The following SPATA31E1 variants were observed in gnomAD, a reference collection of about 807,000 sequenced individuals.
The protein encoded by SPATA31E1 is SPATA31 subfamily E member 1, also known as spermatogenesis-associated protein 31E1.
In SPATA31E1, 7 loss-of-function variants were observed where a neutral mutation model predicts 12.9. That is an observed-to-expected ratio of 0.54 (90% CI 0.31 to 1.02). The LOEUF is 1.02. SPATA31E1 is among the 50% of genes least tolerant of loss of function. SPATA31E1 has a pLI of 0.05. For synonymous variants in SPATA31E1, 771 were observed against 719.0 expected (o/e 1.07, Z -1.16); for missense variants, 1,961 against 1,799.8 (o/e 1.09, Z -1.62).
rs746483479 is a variant in SPATA31E1 at position 87,888,844 on chromosome 9, C to A, written c.*19C>A. Reference sequence around the variant, plus strand: ...CTCCTGAACTAGACCAGTCTTCTTGCATGTCTCCTGGGGGAGACAGGGGGT... The same window carrying A: ...CTCCTGAACTAGACCAGTCTTCTTGAATGTCTCCTGGGGGAGACAGGGGGT... On this transcript the variant is annotated 3_prime_UTR_variant, in exon 4 of 4. Transcript: ENST00000325643. The A allele has an allele frequency of 2.2e-4, 349 of 1,572,090 alleles. No homozygotes were observed. The highest frequency in any genetic ancestry group is 2.8e-4 in the Non-Finnish European group (329 of 1,161,214).
chr9:87,888,170 G>C lies in SPATA31E1; in HGVS notation c.3683G>C (p.Ser1228Thr). Residue 1228 changes from serine (S) to threonine (T), a missense_variant, in exon 4 of 4, where the codon AGT becomes ACT. By Grantham distance (58) the Ser-to-Thr change is moderately conservative. Transcript: ENST00000325643. The stretch of plus-strand genomic sequence containing the variant: ...AAGGGACCCAGGACCTCTGAAGCCA[G>C]TGGGAGGAGCCACCCTGCCCAAGCC... ...RSKGPRTSEA[S>T]GRSHPAQARE... The C allele has an allele frequency of 4.3e-6, 7 of 1,613,140 alleles. No individual in the cohort carries two copies. The highest frequency in any genetic ancestry group is 5.1e-6 in the Non-Finnish European group (6 of 1,179,760).
intron 2 of SPATA31E1, among the ~76,000 whole-genome samples, chr9:87,884,382 G>C (rs960855707): frequency 1.7e-4 from 26 of 152,230 alleles, no homozygotes; most frequent in Non-Finnish European, 3.1e-4. Context: ...ACCGATGAGG[G>C]GGTGGACGTG....
In SPATA31E1 at chr9:87,887,838, G is replaced by A. The variant is rs756799699; in HGVS notation, c.3351G>A (p.Pro1117=). The A allele has an allele frequency of 1.2e-5, 19 of 1,613,730 alleles. No individual in the cohort carries two copies. The highest frequency in any genetic ancestry group is 6.7e-5 in the East Asian group (3 of 44,886). The change falls in exon 4 of 4, where the codon CCG becomes CCA. Residue 1117 remains proline, a synonymous_variant. Transcript: ENST00000325643. ...DSEEQLPGRA[P]GILLQDGATG... is the part of the protein sequence containing the mutation. ...AGGAGCAGCTGCCAGGCCGTGCCCC[G>A]GGCATCCTCCTCCAGGACGGCGCCA... is the stretch of plus-strand genomic sequence containing the variant.
rs749169940 is a variant in SPATA31E1, at chr9:87,887,393, G to C, written c.2906G>C (p.Arg969Thr). The C allele has an allele frequency of 3.1e-6, 5 of 1,613,826 alleles. No homozygotes were observed. In the Admixed American group the frequency reaches 8.3e-5, roughly 27 times the overall value. ...CCCCCAACATGCAGCCTTGTGGGCA[G>C]AACCTGGCAGAGCAGGACTGTCCTG... ...SQPPTCSLVGRTWQSRTVLES... is the reference protein window; with the variant it reads ...SQPPTCSLVGTTWQSRTVLES... The change falls in exon 4 of 4, where the codon AGA becomes ACA. Residue 969 changes from arginine (R) to threonine (T), a missense_variant. Transcript: ENST00000325643.
Position 87,882,994 on chromosome 9 carries a change from G to A in SPATA31E1, c.103G>A (p.Gly35Arg), listed in dbSNP as rs560646190. 7.4e-6 allele frequency: 12 copies of A among 1,613,320 alleles called. No homozygotes were observed. The South Asian group carries it at 1.1e-4, about 15-fold the overall frequency. ...TCCCAGACCATCTGTGGAGTGCACA[G>A]GAGACGACATTGCACTTCAGATGGA... ...PAPRPSVECTGDDIALQMEKM... is the reference protein window; with the variant it reads ...PAPRPSVECTRDDIALQMEKM... The change falls in exon 1 of 4, where the codon GGA becomes AGA. Residue 35 changes from glycine (G) to arginine (R), a missense_variant. Transcript: ENST00000325643.
intron 2 of SPATA31E1, 60 bp downstream of exon 2, chr9:87,884,106 G>C: frequency 1.9e-6 from 3 of 1,551,704 alleles, no homozygotes; most frequent in Non-Finnish European, 2.6e-6. Context: ...CTGTCCCTGA[G>C]GAAGTCATTT....
chr9:87,885,355 A>G lies in SPATA31E1; in HGVS notation c.868A>G (p.Thr290Ala), dbSNP rs754203435. The change falls in exon 4 of 4, where the codon ACC (threonine) becomes GCC (alanine). Residue 290 changes from threonine to alanine, a missense_variant. Transcript: ENST00000325643. ...ACACAACCAGGTGCTGCCTCCTCCA[A>G]CCAGGGTGATCTCTGGCCTGGGGTG... ...PLHNQVLPPP[T>A]RVISGLGCSS... 208 of 1,613,648 alleles carry G rather than the reference A, an allele frequency of 1.3e-4. No homozygotes were observed. The highest frequency in any genetic ancestry group is 1.6e-4 in the Non-Finnish European group (190 of 1,179,886).
rs760733880 is a variant in SPATA31E1 at position 87,885,703 on chromosome 9, T to C, written c.1216T>C (p.Phe406Leu). 6.2e-7 allele frequency: 1 copy of C among 1,613,596 alleles called. No homozygotes were observed. Among genetic ancestry groups the C allele is most frequent in the South Asian group, 1.1e-5 (1 of 91,060 alleles). The change falls in exon 4 of 4, where the codon TTC becomes CTC. Residue 406 changes from phenylalanine (F) to leucine (L), a missense_variant. Coordinates refer to ENST00000325643, the MANE Select transcript of SPATA31E1 (RefSeq NM_178828.5). ...KEWDITTLNP[F>L]WNVSTQPQQL... Reference sequence around the variant, plus strand: ...GTGGGACATCACGACCCTAAATCCCTTCTGGAACGTGTCAACCCAGCCACA... The same window carrying C: ...GTGGGACATCACGACCCTAAATCCCCTCTGGAACGTGTCAACCCAGCCACA...
Position 87,888,074 on chromosome 9 carries a change from A to G in SPATA31E1, c.3587A>G (p.Lys1196Arg), listed in dbSNP as rs767253844. Residue 1196 changes from lysine (K) to arginine (R), a missense_variant, in exon 4 of 4, where the codon AAG becomes AGG. Physicochemically the swap from Lys to Arg is conservative, Grantham distance 26 (BLOSUM62 2). Transcript: ENST00000325643. ...GCAAAGGCCCCACAGAAGAGTCAGAAGACGCTGGGCTGTGCGGACAAGGGC... is the reference window on the plus strand; with the variant it reads ...GCAAAGGCCCCACAGAAGAGTCAGAGGACGCTGGGCTGTGCGGACAAGGGC... The part of the protein sequence containing the change: ...PKAKAPQKSQ[K>R]TLGCADKGEA... 4.1e-5 allele frequency: 66 copies of G among 1,602,962 alleles called. No homozygotes were observed. The highest frequency in any genetic ancestry group is 5.4e-5 in the Non-Finnish European group (64 of 1,174,804).
chr9:87,887,134 T>A lies in SPATA31E1; in HGVS notation c.2647T>A (p.Ser883Thr). 1 of 1,614,050 alleles carries A rather than the reference T, an allele frequency of 6.2e-7. No homozygotes were observed. Among genetic ancestry groups the A allele is most frequent in the Non-Finnish European group, 8.5e-7 (1 of 1,180,018 alleles). The change falls in exon 4 of 4, where the codon TCT becomes ACT. Residue 883 changes from serine to threonine, a missense_variant. Coordinates refer to ENST00000325643, the MANE Select transcript of SPATA31E1 (RefSeq NM_178828.5). The part of the protein sequence containing the change: ...STFTPWASWV[S>T]RVESVPKVPI... Reference sequence around the variant, plus strand: ...CTTTACCCCCTGGGCCTCCTGGGTATCTCGGGTTGAATCTGTACCCAAGGT... The same window carrying A: ...CTTTACCCCCTGGGCCTCCTGGGTAACTCGGGTTGAATCTGTACCCAAGGT...
rs752095729 is a variant in SPATA31E1 at position 87,887,441 on chromosome 9, G to A, written c.2954G>A (p.Arg985Lys). 1.2e-6 allele frequency: 2 copies of A among 1,613,878 alleles called. No individual in the cohort carries two copies. Among genetic ancestry groups the A allele is most frequent in the South Asian group, 2.2e-5 (2 of 91,084 alleles). Residue 985 changes from arginine (R) to lysine (K), a missense_variant, in exon 4 of 4, where the codon AGA becomes AAA. Arg to Lys is a conservative substitution (Grantham distance 26, BLOSUM62 2). Coordinates refer to ENST00000325643, the MANE Select transcript of SPATA31E1 (RefSeq NM_178828.5). ...CTGGAATCCGGGAAACCCAAACCCA[G>A]ACTAGAGGGGAGTATGGGTTCAGAA... ...TVLESGKPKP[R>K]LEGSMGSEMA...
Position 87,885,854 on chromosome 9 carries a change from G to C in SPATA31E1, c.1367G>C (p.Trp456Ser), listed in dbSNP as rs768269951. ...LNSESLATTV[W>S]VSRNPSSQNA... ...AGCGAGTCCCTGGCGACCACAGTCT[G>C]GGTTTCTAGGAACCCTTCCTCACAG... Residue 456 changes from tryptophan (W) to serine (S), a missense_variant, in exon 4 of 4, where the codon TGG becomes TCG. Trp to Ser is a radical substitution (Grantham distance 177). Transcript: ENST00000325643. 1.5e-4 allele frequency: 241 copies of C among 1,613,762 alleles called. No individual in the cohort carries two copies. Among genetic ancestry groups the C allele is most frequent in the Non-Finnish European group, 1.9e-4 (220 of 1,180,010 alleles).
Position 87,886,638 on chromosome 9 carries a change from C to T in SPATA31E1, c.2151C>T (p.Ser717=), listed in dbSNP as rs1322826817. ...CLGSKLGPDP[S]RDQGSGRTSV... Reference sequence around the variant, plus strand: ...GGTCCAAACTAGGGCCGGACCCAAGCCGGGATCAAGGCTCAGGAAGGACCT... The same window carrying T: ...GGTCCAAACTAGGGCCGGACCCAAGTCGGGATCAAGGCTCAGGAAGGACCT... The change falls in exon 4 of 4, where the codon AGC becomes AGT. Residue 717 remains serine, a synonymous_variant. Coordinates refer to ENST00000325643, the MANE Select transcript of SPATA31E1 (RefSeq NM_178828.5). 1 of 1,613,916 alleles carries T rather than the reference C, an allele frequency of 6.2e-7. No homozygotes were observed. The highest frequency in any genetic ancestry group is 1.7e-5 in the Admixed American group (1 of 60,010).
rs1380611446 is a variant in SPATA31E1 at position 87,886,700 on chromosome 9, G to C, written c.2213G>C (p.Gly738Ala). The change falls in exon 4 of 4, where the codon GGT becomes GCT. Residue 738 changes from glycine to alanine, a missense_variant. Transcript: ENST00000325643. Reference protein sequence around the residue: ...KALDEDKEAEGDLRRSWKYQS... With the variant: ...KALDEDKEAEADLRRSWKYQS... ...CTGGACGAAGACAAGGAGGCAGAAG[G>C]TGACTTACGGAGGTCCTGGAAGTAC... 10 of 1,613,956 alleles carry C rather than the reference G, an allele frequency of 6.2e-6. No individual in the cohort carries two copies. The East Asian group carries it at 2.2e-4, about 36-fold the overall frequency.
chr9:87,888,006 G>A lies in SPATA31E1; in HGVS notation c.3519G>A (p.Lys1173=), dbSNP rs1159126411. The change falls in exon 4 of 4, where the codon AAG becomes AAA. Residue 1173 remains lysine, a synonymous_variant. Coordinates refer to ENST00000325643, the MANE Select transcript of SPATA31E1 (RefSeq NM_178828.5). The part of the protein sequence containing the change: ...ASQGPCALLW[K]GGDSPGQQEP... The stretch of plus-strand genomic sequence containing the variant: ...AGGGGCCATGTGCCCTCCTATGGAA[G>A]GGAGGGGACAGTCCAGGGCAGCAGG... 1.2e-6 allele frequency: 2 copies of A among 1,613,402 alleles called. No individual in the cohort carries two copies. Among genetic ancestry groups the A allele is most frequent in the Non-Finnish European group, 1.7e-6 (2 of 1,179,914 alleles).
chr9:87,887,104 T>C lies in SPATA31E1; in HGVS notation c.2617T>C (p.Ser873Pro), dbSNP rs770381817. 1 of 1,614,010 alleles carries C rather than the reference T, an allele frequency of 6.2e-7. No individual in the cohort carries two copies. Among genetic ancestry groups the C allele is most frequent in the Non-Finnish European group, 8.5e-7 (1 of 1,179,988 alleles). The change falls in exon 4 of 4, where the codon TCC (serine) becomes CCC (proline). Residue 873 changes from serine to proline, a missense_variant. By Grantham distance (74) the Ser-to-Pro change is moderately conservative. Transcript: ENST00000325643. ...GEAQAPPFPQ[S>P]TFTPWASWVS... Reference sequence around the variant, plus strand: ...GGCTCAGGCCCCGCCCTTCCCACAATCCACCTTTACCCCCTGGGCCTCCTG... The same window carrying C: ...GGCTCAGGCCCCGCCCTTCCCACAACCCACCTTTACCCCCTGGGCCTCCTG...
Position 87,887,582 on chromosome 9 carries a change from C to G in SPATA31E1, c.3095C>G (p.Ala1032Gly). The G allele has an allele frequency of 6.2e-7, 1 of 1,614,150 alleles. No homozygotes were observed. The highest frequency in any genetic ancestry group is 8.5e-7 in the Non-Finnish European group (1 of 1,180,036). The change falls in exon 4 of 4, where the codon GCC becomes GGC. Residue 1032 changes from alanine (A) to glycine (G), a missense_variant. Ala to Gly is a moderately conservative substitution (Grantham distance 60, BLOSUM62 0). Transcript: ENST00000325643. ...IGSQWARAED[A>G]LQALKVGEKP... ...TCCCAGTGGGCAAGGGCTGAAGATG[C>G]CCTGCAGGCACTGAAAGTGGGGGAG...
At position 87,886,658 on chromosome 9, in the gene SPATA31E1, G is replaced by A. The variant is rs750841747; in HGVS notation, c.2171G>A (p.Arg724Lys). Reference sequence around the variant, plus strand: ...CCAAGCCGGGATCAAGGCTCAGGAAGGACCTCAGTGAAGGCTCTGGACGAA... The same window carrying A: ...CCAAGCCGGGATCAAGGCTCAGGAAAGACCTCAGTGAAGGCTCTGGACGAA... ...PDPSRDQGSGRTSVKALDEDK... is the reference protein window; with the variant it reads ...PDPSRDQGSGKTSVKALDEDK... The change falls in exon 4 of 4, where the codon AGG (arginine) becomes AAG (lysine). Residue 724 changes from arginine to lysine, a missense_variant. Physicochemically the swap from Arg to Lys is conservative, Grantham distance 26. Coordinates refer to ENST00000325643, the MANE Select transcript of SPATA31E1 (RefSeq NM_178828.5). 3 of 1,614,008 alleles carry A rather than the reference G, an allele frequency of 1.9e-6. No individual in the cohort carries two copies. The highest frequency in any genetic ancestry group is 2.5e-6 in the Non-Finnish European group (3 of 1,180,024).
At position 87,885,504 on chromosome 9, in the gene SPATA31E1, C is replaced by T; in HGVS notation, c.1017C>T (p.Ser339=). 6.2e-7 allele frequency: 1 copy of T among 1,614,170 alleles called. No homozygotes were observed. The highest frequency in any genetic ancestry group is 1.3e-5 in the African/African-American group (1 of 75,058). The change falls in exon 4 of 4, where the codon TCC becomes TCT. Residue 339 remains serine, a synonymous_variant. Transcript: ENST00000325643. ...RHLPDHTSEA[S]FWGDPTPKHM... ...TTCCCGACCACACCTCAGAGGCTTC[C>T]TTCTGGGGAGACCCCACACCCAAGC...
Sources: allele counts gnomAD v4.1 joint callset (sites outside exome capture counted in the v4.1 genomes callset), GRCh38; gene constraint gnomAD v4.1.1; transcripts MANE v1.5; gene names NCBI Gene and HGNC (gene_info 2026-07-23, HGNC 2026-07-21).